SH3GL2: variants seen among roughly 807,000 people sequenced by gnomAD.
SH3GL2 encodes the protein SH3 domain containing GRB2 like 2, endophilin A1, also known as endophilin-A1.
In SH3GL2, 24 loss-of-function variants were observed where a neutral mutation model predicts 46.0. The observed-to-expected ratio is 0.52, with a 90% CI of 0.38 to 0.73. SH3GL2 has a LOEUF of 0.73. SH3GL2 is among the 30% of genes least tolerant of loss of function. The probability of loss-of-function intolerance (pLI) is 0.00; values close to 1 mark genes in which losing one functional copy is unlikely to be tolerated. For synonymous variants in SH3GL2, 196 were observed against 147.1 expected (o/e 1.33, Z -2.40); for missense variants, 413 against 424.2 (o/e 0.97, Z 0.23).
At chr9:17,653,165 A>G (rs7036523) in intron 1 of SH3GL2, among the ~76,000 whole-genome samples, 10,944 of 152,150 alleles carry the variant, frequency 0.072, 664 homozygotes, top group African/African-American at 0.16. Context: ...TTACTTTTCT[A>G]TCAGGCTTAT....
chr9:17,682,289 G>A (rs1015390306), intron 1 of SH3GL2, among the ~76,000 whole-genome samples: 5 of 152,028 alleles, frequency 3.3e-5, no homozygotes, highest in Admixed American at 2.0e-4. Context: ...ATTTTCAATA[G>A]CAAAGTCATG....
intron 2 of SH3GL2, among the ~76,000 whole-genome samples, chr9:17,757,010 T>A (rs1246038652): frequency 2.0e-5 from 3 of 152,188 alleles, no homozygotes; most frequent in Admixed American, 2.0e-4. Context: ...TTTTTAATGA[T>A]TACCATTCTA....
chr9:17,722,026 G>A (rs889008482), intron 1 of SH3GL2, among the ~76,000 whole-genome samples: 6 of 152,006 alleles, frequency 3.9e-5, no homozygotes, highest in Non-Finnish European at 7.4e-5. Flanking sequence ...TCACAGTAGC[G>A]AAGGATTCAC....
intron 2 of SH3GL2, among the ~76,000 whole-genome samples, chr9:17,751,422 T>G (rs1374591865): frequency 6.6e-6 from 1 of 152,100 alleles, no homozygotes; most frequent in Admixed American, 6.6e-5. Context: ...TGGCTCAATA[T>G]AAGAAAAACT....
intron 1 of SH3GL2, among the ~76,000 whole-genome samples, chr9:17,657,268 A>G (rs1015412401): frequency 1.2e-4 from 18 of 152,210 alleles, no homozygotes; most frequent in African/African-American, 4.3e-4. Flanking sequence ...ATACATGAAC[A>G]GACAATTTTT....
At chr9:17,608,461 A>G (rs1353723415) in intron 1 of SH3GL2, among the ~76,000 whole-genome samples, 1 of 152,218 alleles carries the variant, frequency 6.6e-6, no homozygotes, top group African/African-American at 2.4e-5. Context: ...CTGTTAATGG[A>G]AACTTTGATA....
chr9:17,739,965 A>C (rs926573236), intron 1 of SH3GL2, among the ~76,000 whole-genome samples: 1 of 152,128 alleles, frequency 6.6e-6, no homozygotes, highest in African/African-American at 2.4e-5. Context: ...AATAGGCTGG[A>C]AGCTGGGAAA....
intron 4 of SH3GL2, 102 bp from the exon 5 acceptor site, chr9:17,787,278 G>A: frequency 3.4e-6 from 3 of 893,068 alleles, no homozygotes; most frequent in Non-Finnish European, 5.3e-6. Flanking sequence ...GTCTTTAGAA[G>A]ACAAGTGGTA....
At chr9:17,757,670 A>G (rs1187806647) in intron 2 of SH3GL2, among the ~76,000 whole-genome samples, 1 of 152,208 alleles carries the variant, frequency 6.6e-6, no homozygotes, top group Non-Finnish European at 1.5e-5. Flanking sequence ...GGACATTGAG[A>G]AAAATAACAG....
intron 1 of SH3GL2, among the ~76,000 whole-genome samples, chr9:17,653,587 G>T (rs898093580): frequency 6.6e-6 from 1 of 152,120 alleles, no homozygotes; most frequent in Admixed American, 6.6e-5. Flanking sequence ...ACCTGCTTCT[G>T]TGGTTGGAAT....
Position 17,632,794 on chromosome 9 carries a change from A to G in SH3GL2, c.45+53507A>G, listed in dbSNP as rs1282660512. Among the ~76,000 whole-genome samples the G allele has an allele frequency of 5.3e-5, 8 of 152,310 alleles. No homozygotes were observed. In the East Asian group the frequency reaches 5.8e-4, roughly 11 times the overall value. ...ACATCCCGAAGATTTTGTGCTCTCAATGTGTCCCTGCTATTTGGGGCTTCC... is the reference window on the plus strand; with the variant it reads ...ACATCCCGAAGATTTTGTGCTCTCAGTGTGTCCCTGCTATTTGGGGCTTCC... On this transcript the variant is annotated intron_variant, in intron 1 of 8. Transcript: ENST00000380607.
intron 1 of SH3GL2, among the ~76,000 whole-genome samples, chr9:17,732,929 G>A (rs900089596): frequency 7.9e-5 from 12 of 152,042 alleles, no homozygotes; most frequent in African/African-American, 2.9e-4. Context: ...TTGGAATCAG[G>A]GGACCTGGGT....
chr9:17,791,219 A>G lies in SH3GL2; in HGVS notation c.625-12A>G, dbSNP rs1036370715. 7 of 1,591,104 alleles carry G rather than the reference A, an allele frequency of 4.4e-6. No individual in the cohort carries two copies. The highest frequency in any genetic ancestry group is 6.0e-6 in the Non-Finnish European group (7 of 1,159,112). ...TGTAAAACTAAGGCATGATTTTCCC[A>G]TCAATCTGCAGATTGAACAAGTGAG... On this transcript the variant is annotated splice_polypyrimidine_tract_variant and intron_variant, in intron 6 of 8. Transcript: ENST00000380607.
chr9:17,758,898 T>C (rs1034728349), intron 2 of SH3GL2, among the ~76,000 whole-genome samples: 1 of 152,130 alleles, frequency 6.6e-6, no homozygotes, highest in Non-Finnish European at 1.5e-5. Context: ...GACACTGGAA[T>C]AGTTTTTATT....
At chr9:17,754,596 C>T (rs1347119737) in intron 2 of SH3GL2, among the ~76,000 whole-genome samples, 2 of 152,096 alleles carry the variant, frequency 1.3e-5, no homozygotes, top group Admixed American at 1.3e-4. Flanking sequence ...TGGCTTGAAC[C>T]CAGGAGGTGG....
chr9:17,787,572 T>C (rs1381883678), intron 5 of SH3GL2, 59 bp downstream of exon 5: 7 of 1,429,344 alleles, frequency 4.9e-6, no homozygotes, highest in Middle Eastern at 1.8e-4. Context: ...TGCAGATGCC[T>C]TTTTTCTTTA....
chr9:17,780,534 G>A (rs902150041), intron 3 of SH3GL2, among the ~76,000 whole-genome samples: 1 of 143,652 alleles, frequency 7.0e-6, no homozygotes, highest in African/African-American at 2.6e-5. Flanking sequence ...CATTGTGCAG[G>A]TTAGTTACAT....
chr9:17,761,616 C>T lies in SH3GL2; in HGVS notation c.187+107C>T, dbSNP rs149111261. On this transcript the variant is annotated intron_variant, in intron 3 of 8. Transcript: ENST00000380607. The stretch of plus-strand genomic sequence containing the variant: ...GTTTCTTCTTTTGGTGTTGCTTCCT[C>T]GGTCCACTTTTCTGAGAGGTTAGCG... 44 of 809,230 alleles carry T rather than the reference C, an allele frequency of 5.4e-5. 1 individual carries two copies. Among genetic ancestry groups the T allele is most frequent in the Non-Finnish European group, 8.0e-5 (36 of 450,234 alleles). The allele number at this position is 809,230 out of a possible 1,614,324, so 50.1% of individuals were successfully genotyped here.
intron 1 of SH3GL2, among the ~76,000 whole-genome samples, chr9:17,684,808 A>C (rs1820862772): frequency 6.6e-6 from 1 of 152,148 alleles, no homozygotes; most frequent in Admixed American, 6.6e-5. Context: ...TAAACTGTCA[A>C]CCCAGATTCC....
Sources: gnomAD v4.1 joint callset for allele counts (sites outside exome capture counted in the v4.1 genomes callset) on GRCh38, gnomAD v4.1.1 for gene constraint, MANE v1.5 for transcripts, NCBI Gene and HGNC (gene_info 2026-07-23, HGNC 2026-07-21) for gene names.